Variants in TNRC6B observed in about 807,000 individuals in gnomAD.
The protein encoded by TNRC6B is trinucleotide repeat-containing gene 6B protein.
In TNRC6B, 52 loss-of-function variants were observed where a neutral mutation model predicts 203.6. The observed-to-expected ratio is 0.26, with a 90% CI of 0.20 to 0.32. The LOEUF is 0.32. Ranked by LOEUF, TNRC6B falls within the 10% of genes least tolerant of loss-of-function variation. The pLI, the probability that TNRC6B is intolerant of heterozygous loss-of-function variation, is 1.00. For missense variants in TNRC6B, 1,923 were observed against 2,286.2 expected (o/e 0.84, Z 3.24); for synonymous variants, 838 against 845.7 (o/e 0.99, Z 0.16).
chr22:40,116,307 G>C, intron 1 of TNRC6B, among the ~76,000 whole-genome samples: 1 of 152,174 alleles, frequency 6.6e-6, no homozygotes, highest in South Asian at 2.1e-4. Flanking sequence ...CACACACATA[G>C]GTAGCTCCAA....
At position 40,265,228 on chromosome 22, in the gene TNRC6B, G is replaced by A; in HGVS notation, c.998G>A (p.Ser333Asn). Residue 333 changes from serine to asparagine, a missense_variant, in exon 5 of 23, where the codon AGT becomes AAT. By Grantham distance (46) the Ser-to-Asn change is conservative. Around this residue, in one of 8 missense-constraint regions of TNRC6B, gnomAD observed 614 missense variants for 587.7 expected, o/e 1.04. Coordinates refer to ENST00000454349, the MANE Select transcript of TNRC6B (RefSeq NM_001162501.2). ...GALETDNSNS[S>N]AQVSTVGQTS... ...TTGGAAACAGATAATAGTAATTCCA[G>A]TGCACAGGTTAGCACAGTAGGTCAG... The A allele has an allele frequency of 2.5e-6, 4 of 1,614,018 alleles. No individual in the cohort carries two copies. Among genetic ancestry groups the A allele is most frequent in the Non-Finnish European group, 3.4e-6 (4 of 1,179,908 alleles).
chr22:40,134,298 T>C (rs1392856166), intron 3 of TNRC6B, among the ~76,000 whole-genome samples: 2 of 152,216 alleles, frequency 1.3e-5, no homozygotes, highest in African/African-American at 4.8e-5. Context: ...GGCACTTCAA[T>C]TTCTAGTTGT....
chr22:40,211,872 A>G (rs914920177), intron 1 of TNRC6B, among the ~76,000 whole-genome samples: 3 of 152,206 alleles, frequency 2.0e-5, no homozygotes, highest in Admixed American at 6.5e-5. Context: ...ATGCTGGCAG[A>G]CTGACTGCAA....
intron 1 of TNRC6B, among the ~76,000 whole-genome samples, chr22:40,074,975 C>T (rs1485663102): frequency 6.6e-6 from 1 of 151,176 alleles, no homozygotes; most frequent in Non-Finnish European, 1.5e-5. Context: ...AATACTGTTA[C>T]CATAAAACAC....
intron 4 of TNRC6B, among the ~76,000 whole-genome samples, chr22:40,168,056 C>T (rs539032584): frequency 4.6e-5 from 7 of 152,226 alleles, no homozygotes; most frequent in Admixed American, 3.9e-4. Context: ...TGATCTAAGC[C>T]GTAGTGCCTC....
At chr22:40,089,525 G>A (rs921710713) in intron 1 of TNRC6B, among the ~76,000 whole-genome samples, 3 of 152,042 alleles carry the variant, frequency 2.0e-5, no homozygotes, top group African/African-American at 7.2e-5. Context: ...GAGCCACTGC[G>A]CCCAGCGTTA....
Position 40,266,839 on chromosome 22 carries a change from A to G in TNRC6B, c.2609A>G (p.Glu870Gly), listed in dbSNP as rs201560227. The change falls in exon 5 of 23, where the codon GAG becomes GGG. Residue 870 changes from glutamate (E) to glycine (G), a missense_variant. Physicochemically the swap from Glu to Gly is moderately conservative, Grantham distance 98 (BLOSUM62 -2). Around this residue, in one of 8 missense-constraint regions of TNRC6B, gnomAD observed 599 missense variants for 656.5 expected, o/e 0.91. Transcript: ENST00000454349. The stretch of plus-strand genomic sequence containing the variant: ...CCACAGCCTGCAACACCTAAGGATG[A>G]GGAACCCAGTGGTTGGGAAGAGCCA... The part of the protein sequence containing the change: ...SGPQPATPKD[E>G]EPSGWEEPSP... 6.2e-7 allele frequency: 1 copy of G among 1,613,994 alleles called. No homozygotes were observed. The highest frequency in any genetic ancestry group is 1.1e-5 in the South Asian group (1 of 91,068).
intron 3 of TNRC6B, among the ~76,000 whole-genome samples, chr22:40,154,871 A>ATATATATATATATATATATATATATG (rs2068803992): frequency 2.3e-5 from 1 of 44,174 alleles, no homozygotes; most frequent in Non-Finnish European, 3.9e-5. Context: ...ATATATATAT[A>ATATATATATATATATATATATATATG]TATATATATA....
Position 40,266,474 on chromosome 22 carries a change from T to G in TNRC6B, c.2244T>G (p.Gly748=), listed in dbSNP as rs746189532. ...PNQGWSSGKN[G]WGEEVDQTKN... ...AAGGATGGTCTTCTGGAAAGAATGG[T>G]TGGGGGGAGGAAGTCGATCAGACAA... Residue 748 remains glycine, a synonymous_variant, in exon 5 of 23, where the codon GGT becomes GGG. Coordinates refer to ENST00000454349, the MANE Select transcript of TNRC6B (RefSeq NM_001162501.2). 6.2e-7 allele frequency: 1 copy of G among 1,613,086 alleles called. No individual in the cohort carries two copies. The highest frequency in any genetic ancestry group is 2.2e-5 in the East Asian group (1 of 44,872).
intron 3 of TNRC6B, among the ~76,000 whole-genome samples, chr22:40,252,809 A>G (rs1337842598): frequency 6.6e-6 from 1 of 152,232 alleles, no homozygotes; most frequent in Non-Finnish European, 1.5e-5. Context: ...TACAGTGCCC[A>G]TACTTTCTAA....
chr22:40,074,606 G>A (rs1387492603), intron 1 of TNRC6B, among the ~76,000 whole-genome samples: 2 of 151,888 alleles, frequency 1.3e-5, no homozygotes, highest in African/African-American at 2.4e-5. Flanking sequence ...GTAAAACCCC[G>A]TCTCTACTAA....
intron 1 of TNRC6B, among the ~76,000 whole-genome samples, chr22:40,105,979 A>G (rs2068279582): frequency 6.6e-6 from 1 of 152,276 alleles, no homozygotes; most frequent in African/African-American, 2.4e-5. Flanking sequence ...GTGGTATATA[A>G]TGGTGTATCA....
intron 1 of TNRC6B, among the ~76,000 whole-genome samples, chr22:40,214,522 G>T (rs961536680): frequency 7.3e-5 from 11 of 150,862 alleles, no homozygotes; most frequent in African/African-American, 2.5e-4. Flanking sequence ...TCTCTGTGTG[G>T]TATTCCTTGC....
intron 3 of TNRC6B, among the ~76,000 whole-genome samples, chr22:40,155,013 CCT>C (rs2068807438): frequency 6.7e-6 from 1 of 149,200 alleles, no homozygotes; most frequent in African/African-American, 2.5e-5. Flanking sequence ...CACTTGATTA[CCT>C]TTTTGTAACT....
In TNRC6B at chr22:40,266,951, G is replaced by A. The variant is rs768492470; in HGVS notation, c.2721G>A (p.Val907=). Residue 907 remains valine, a synonymous_variant, in exon 5 of 23, where the codon GTG becomes GTA. Transcript: ENST00000454349. ...CTAACAGTTATAACTACAAGAATGT[G>A]AATCTGTGGGATAAGAATTCCCAAG... ...GDPNSYNYKN[V]NLWDKNSQGG... 2.5e-6 allele frequency: 4 copies of A among 1,613,534 alleles called. No homozygotes were observed. The African/African-American group carries it at 5.3e-5, about 22-fold the overall frequency.
At chr22:40,081,062 T>C (rs1237486525) in intron 1 of TNRC6B, among the ~76,000 whole-genome samples, 6 of 152,014 alleles carry the variant, frequency 3.9e-5, no homozygotes, top group African/African-American at 1.5e-4. Flanking sequence ...CGTTTCACCA[T>C]GTTGGCCTGG....
upstream of TNRC6B, among the ~76,000 whole-genome samples, chr22:40,176,307 A>C (rs1479583650): frequency 6.6e-6 from 1 of 151,938 alleles, no homozygotes; most frequent in Admixed American, 6.6e-5. Flanking sequence ...TTGTATTTTT[A>C]GTAGAGACGG....
chr22:40,067,115 G>A (rs2146276743), intron 1 of TNRC6B, among the ~76,000 whole-genome samples: 1 of 151,990 alleles, frequency 6.6e-6, no homozygotes, highest in South Asian at 2.1e-4. Flanking sequence ...TGTTGCCCAG[G>A]CTAGAATGTG....
intron 3 of TNRC6B, among the ~76,000 whole-genome samples, chr22:40,257,638 C>T (rs1569040812): frequency 6.6e-6 from 1 of 152,238 alleles, no homozygotes; most frequent in East Asian, 1.9e-4. Flanking sequence ...ATCGCTTGAT[C>T]CTGGGAGGCG....
Sources: allele counts gnomAD v4.1 joint callset (sites outside exome capture counted in the v4.1 genomes callset), GRCh38; gene constraint gnomAD v4.1.1; regional missense constraint gnomAD v4.1.1; transcripts MANE v1.5; gene names NCBI Gene and HGNC (gene_info 2026-07-23, HGNC 2026-07-21).